KALRN: variants seen among roughly 807,000 people sequenced by gnomAD.
The protein encoded by KALRN is kalirin RhoGEF kinase, also known as kalirin.
In KALRN, 70 loss-of-function variants were observed where a neutral mutation model predicts 353.7. The ratio of observed to expected loss-of-function variants is 0.20; its 90% CI spans 0.16 to 0.24. The LOEUF is 0.24. KALRN is among the 10% of genes least tolerant of loss of function. KALRN has a pLI of 1.00. For missense variants in KALRN, 2,791 were observed against 3,756.7 expected, an observed-to-expected ratio of 0.74 and a Z score of 6.72; for synonymous variants, 1,391 against 1,434.8, an observed-to-expected ratio of 0.97 and a Z score of 0.69.
At chr3:124,384,373 A>C (rs552366224) in intron 10 of KALRN, among the ~76,000 whole-genome samples, 1 of 152,310 alleles carries the variant, frequency 6.6e-6, no homozygotes, top group South Asian at 2.1e-4. Flanking sequence ...CTGTTCCAAA[A>C]AGATAAACAC....
intron 34 of KALRN, among the ~76,000 whole-genome samples, chr3:124,582,221 A>C (rs781164768): frequency 3.7e-4 from 56 of 152,132 alleles, no homozygotes; most frequent in Admixed American, 7.9e-4. Context: ...GGGTTTCACC[A>C]TGTTGGCCAG....
At position 124,530,234 on chromosome 3, in the gene KALRN, C is replaced by G. The variant is rs193068053; in HGVS notation, c.4936-32609C>G. 1.3e-3 allele frequency among the ~76,000 whole-genome samples: 201 copies of G among 152,176 alleles called. 1 individual carries two copies. The highest frequency in any genetic ancestry group is 2.4e-3 in the Non-Finnish European group (165 of 68,012). On this transcript the variant is annotated intron_variant, in intron 33 of 59. Coordinates refer to ENST00000682506, the MANE Select transcript of KALRN (RefSeq NM_001388419.1). ...CCTTAATTAGAAGAATCATATAGTC[C>G]ATTTGGGAGAGAGAAAATATAAATA...
chr3:124,586,267 G>C (rs904285647), intron 34 of KALRN, among the ~76,000 whole-genome samples: 75 of 152,188 alleles, frequency 4.9e-4, no homozygotes, highest in African/African-American at 1.8e-3. Context: ...AATGGCCAAG[G>C]GGAATCTGAG....
intron 1 of KALRN, among the ~76,000 whole-genome samples, chr3:124,054,357 T>TTAAAAATAAAAATAAAAA (rs58523343): frequency 0.04 from 5,532 of 136,938 alleles, 184 homozygotes; most frequent in Non-Finnish European, 0.055. Flanking sequence ...ACCCCATCAC[T>TTAAAAATAAAAATAAAAA]TAAAAATAAA....
At chr3:124,469,380 A>G (rs2060664659) in intron 25 of KALRN, among the ~76,000 whole-genome samples, 1 of 152,220 alleles carries the variant, frequency 6.6e-6, no homozygotes, top group African/African-American at 2.4e-5. Context: ...GGGTGATCCA[A>G]CTGTGCTGGA....
At chr3:124,114,483 T>C (rs1227684705) in intron 1 of KALRN, among the ~76,000 whole-genome samples, 6 of 152,112 alleles carry the variant, frequency 3.9e-5, no homozygotes, top group Non-Finnish European at 8.8e-5. Context: ...GGACTTAGCT[T>C]CCATCAAGGC....
intron 33 of KALRN, among the ~76,000 whole-genome samples, chr3:124,530,381 T>C (rs2067940023): frequency 1.3e-5 from 2 of 152,120 alleles, no homozygotes; most frequent in South Asian, 4.2e-4. Flanking sequence ...AGATGAGTCA[T>C]TTGATGTAAT....
At position 124,264,478 on chromosome 3, in the gene KALRN, G is replaced by A. The variant is rs544559346; in HGVS notation, c.264-20G>A. ...CTCAGCTACCCAGAGTGACCATACC[G>A]ACCTCTGACCTCCCCACAGTGAGGA... is the stretch of plus-strand genomic sequence containing the variant. On this transcript the variant is annotated intron_variant, in intron 3 of 59. Transcript: ENST00000682506. 134 of 1,610,012 alleles carry A rather than the reference G, an allele frequency of 8.3e-5. No homozygotes were observed. The South Asian group carries it at 8.8e-4, about 11-fold the overall frequency.
Position 124,227,070 on chromosome 3 carries a change from G to A in KALRN, c.74-920G>A, listed in dbSNP as rs180810974. 9.1e-4 allele frequency among the ~76,000 whole-genome samples: 138 copies of A among 152,248 alleles called. 1 individual carries two copies. Among genetic ancestry groups the A allele is most frequent in the African/African-American group, 3.2e-3 (131 of 41,552 alleles). On this transcript the variant is annotated intron_variant, in intron 1 of 59. Transcript: ENST00000682506. ...GATGCAATGGTCTAGCCTGGGGTTT[G>A]TGTATGTGGAAGCTGGGTCCTGACT...
chr3:124,632,794 T>C, intron 35 of KALRN, 91 bp downstream of exon 35: 1 of 1,190,208 alleles, frequency 8.4e-7, no homozygotes, highest in Non-Finnish European at 1.2e-6. Context: ...ATCTCAAATC[T>C]CCATTAGTGT....
intron 1 of KALRN, among the ~76,000 whole-genome samples, chr3:124,209,886 G>A (rs183491058): frequency 1.3e-5 from 2 of 152,272 alleles, no homozygotes; most frequent in African/African-American, 4.8e-5. Flanking sequence ...TTAGTTCAAA[G>A]TATTTCATCC....
chr3:124,044,426 A>G (rs1465854641), intron 1 of KALRN, among the ~76,000 whole-genome samples: 1 of 151,814 alleles, frequency 6.6e-6, no homozygotes, highest in Non-Finnish European at 1.5e-5. Context: ...AGTTATAACC[A>G]CTCCAAGCTT....
At chr3:124,199,991 G>C (rs1410021409) in intron 1 of KALRN, among the ~76,000 whole-genome samples, 1 of 152,198 alleles carries the variant, frequency 6.6e-6, no homozygotes, top group Non-Finnish European at 1.5e-5. Flanking sequence ...TCTGGTATTT[G>C]CCAGATTCCC....
chr3:124,187,750 T>C (rs1334758075), intron 1 of KALRN, among the ~76,000 whole-genome samples: 1 of 152,144 alleles, frequency 6.6e-6, no homozygotes, highest in Non-Finnish European at 1.5e-5. Flanking sequence ...AAGTCTACAA[T>C]GTGGGGGTAG....
intron 15 of KALRN, 46 bp downstream of exon 15, chr3:124,423,024 G>C: frequency 1.9e-6 from 3 of 1,597,484 alleles, no homozygotes; most frequent in Non-Finnish European, 2.6e-6. Context: ...TCAGCCAGCT[G>C]AGCCTGACCT....
intron 34 of KALRN, among the ~76,000 whole-genome samples, chr3:124,626,044 G>A (rs1178075932): frequency 6.6e-6 from 1 of 151,946 alleles, no homozygotes; most frequent in Non-Finnish European, 1.5e-5. Flanking sequence ...TCGCGCCATT[G>A]CACACCAGCT....
intron 25 of KALRN, among the ~76,000 whole-genome samples, chr3:124,470,471 G>A (rs2107893597): frequency 6.6e-6 from 1 of 152,176 alleles, no homozygotes; most frequent in Middle Eastern, 3.4e-3. Context: ...ACATTGAGAT[G>A]GTAATGAATA....
At chr3:124,088,190 C>T (rs556252090) in intron 1 of KALRN, among the ~76,000 whole-genome samples, 2 of 152,126 alleles carry the variant, frequency 1.3e-5, no homozygotes, top group African/African-American at 2.4e-5. Flanking sequence ...TTGTTGTTCA[C>T]TATGCGGATG....
intron 10 of KALRN, among the ~76,000 whole-genome samples, chr3:124,360,763 C>G (rs2083946427): frequency 6.6e-6 from 1 of 152,162 alleles, no homozygotes; most frequent in South Asian, 2.1e-4. Context: ...TTCTCTTCTC[C>G]CTTTCTTTTG....
Sources: gnomAD v4.1 joint callset for allele counts (sites outside exome capture counted in the v4.1 genomes callset) on GRCh38, gnomAD v4.1.1 for gene constraint, MANE v1.5 for transcripts, NCBI Gene and HGNC (gene_info 2026-07-23, HGNC 2026-07-21) for gene names.